SPATA6: variants seen among roughly 807,000 people sequenced by gnomAD.
The protein encoded by SPATA6 is spermatogenesis associated 6.
In SPATA6, 56 loss-of-function variants were observed where a neutral mutation model predicts 65.3. The ratio of observed to expected loss-of-function variants is 0.86; its 90% confidence interval spans 0.69 to 1.07. The LOEUF (loss-of-function observed/expected upper bound fraction) is 1.07, where lower values mean the gene tolerates loss of function less well. SPATA6 is among the 50% of genes least tolerant of loss of function. The pLI is 0.00. For missense variants in SPATA6, 590 were observed against 594.8 expected (o/e 0.99, Z 0.08); for synonymous variants, 199 against 213.2 (o/e 0.93, Z 0.58).
chr1:48,445,301 T>C (rs1425096756), intron 3 of SPATA6, among the ~76,000 whole-genome samples: 1 of 152,170 alleles, frequency 6.6e-6, no homozygotes, highest in Non-Finnish European at 1.5e-5. Flanking sequence ...TAGGAACATC[T>C]ATGAGGTGCT....
intron 11 of SPATA6, among the ~76,000 whole-genome samples, chr1:48,335,158 C>T (rs1646025401): frequency 6.6e-6 from 1 of 151,934 alleles, no homozygotes; most frequent in Admixed American, 6.6e-5. Flanking sequence ...GAAGAAAATT[C>T]CATGCTCATG....
At chr1:48,366,711 G>T (rs1305987672) in intron 9 of SPATA6, among the ~76,000 whole-genome samples, 1 of 151,820 alleles carries the variant, frequency 6.6e-6, no homozygotes, top group Non-Finnish European at 1.5e-5. Flanking sequence ...TGTTGCTAGC[G>T]GTCTATCAAT....
chr1:48,416,610 C>A (rs1269058585), intron 3 of SPATA6, among the ~76,000 whole-genome samples: 2 of 152,036 alleles, frequency 1.3e-5, no homozygotes, highest in Non-Finnish European at 2.9e-5. Flanking sequence ...TTTCAAAATG[C>A]CAGTGATGTG....
At chr1:48,389,406 C>CT (rs1300297558) in intron 8 of SPATA6, among the ~76,000 whole-genome samples, 1 of 152,118 alleles carries the variant, frequency 6.6e-6, no homozygotes, top group Non-Finnish European at 1.5e-5. Flanking sequence ...TATCAAGAGA[C>CT]TAGACATTCA....
intron 3 of SPATA6, among the ~76,000 whole-genome samples, chr1:48,434,704 G>T (rs1654732791): frequency 6.6e-6 from 1 of 152,164 alleles, no homozygotes; most frequent in Admixed American, 6.5e-5. Flanking sequence ...GGGGGTGTGT[G>T]TGTGTGTGTG....
intron 1 of SPATA6, among the ~76,000 whole-genome samples, chr1:48,470,978 G>A (rs1288261987): frequency 6.6e-6 from 1 of 152,152 alleles, no homozygotes; most frequent in Non-Finnish European, 1.5e-5. Flanking sequence ...ACTAAAACGG[G>A]GTGTGGAAAG....
At chr1:48,333,622 G>C (rs1329298390) in intron 11 of SPATA6, among the ~76,000 whole-genome samples, 1 of 152,170 alleles carries the variant, frequency 6.6e-6, no homozygotes, top group East Asian at 1.9e-4. Context: ...TAGCATATCA[G>C]AATCTCTGGG....
At chr1:48,428,234 C>T (rs185582914) in intron 3 of SPATA6, among the ~76,000 whole-genome samples, 14 of 152,290 alleles carry the variant, frequency 9.2e-5, no homozygotes, top group Admixed American at 2.6e-4. Flanking sequence ...CCAGGCAGAT[C>T]ACCTGAAGTC....
At chr1:48,338,075 T>A (rs1235583076) in intron 11 of SPATA6, among the ~76,000 whole-genome samples, 1 of 151,966 alleles carries the variant, frequency 6.6e-6, no homozygotes, top group Non-Finnish European at 1.5e-5. Flanking sequence ...ACTACAAACC[T>A]ATAGTAAATT....
chr1:48,345,068 C>G (rs919315495), intron 11 of SPATA6, among the ~76,000 whole-genome samples: 6 of 152,280 alleles, frequency 3.9e-5, no homozygotes, highest in African/African-American at 1.4e-4. Context: ...ACAGAATATA[C>G]ATTCTTCTCA....
intron 1 of SPATA6, among the ~76,000 whole-genome samples, chr1:48,460,741 G>T (rs1041948849): frequency 3.4e-5 from 2 of 59,416 alleles, no homozygotes; most frequent in Non-Finnish European, 1.2e-4. Context: ...ATATATACCG[G>T]TAAGAATGAA....
chr1:48,421,295 CAT>C (rs3029729), intron 3 of SPATA6, among the ~76,000 whole-genome samples: 13,774 of 151,730 alleles, frequency 0.091, 797 homozygotes, highest in South Asian at 0.15. Context: ...ATTAAAATTT[CAT>C]ATGATGCCCT....
intron 3 of SPATA6, among the ~76,000 whole-genome samples, chr1:48,449,875 T>C (rs2148146230): frequency 6.6e-6 from 1 of 152,326 alleles, no homozygotes; most frequent in East Asian, 1.9e-4. Flanking sequence ...TAGAATTTGC[T>C]TTTAAATATT....
At chr1:48,415,781 A>G (rs1186005331) in intron 3 of SPATA6, among the ~76,000 whole-genome samples, 1 of 152,154 alleles carries the variant, frequency 6.6e-6, no homozygotes, top group Non-Finnish European at 1.5e-5. Flanking sequence ...AATGAAAACA[A>G]ATTTCCTTAA....
At chr1:48,349,397 C>T (rs1311775080) in intron 11 of SPATA6, among the ~76,000 whole-genome samples, 1 of 151,908 alleles carries the variant, frequency 6.6e-6, no homozygotes, top group Non-Finnish European at 1.5e-5. Flanking sequence ...ACATCATATT[C>T]CAAAGTTATT....
At chr1:48,369,762 G>A (rs114080121) in intron 9 of SPATA6, among the ~76,000 whole-genome samples, 1,817 of 152,288 alleles carry the variant, frequency 0.012, 14 homozygotes, top group Non-Finnish European at 0.018. Flanking sequence ...GCTTTGGCTT[G>A]CGCATGGTGC....
intron 8 of SPATA6, among the ~76,000 whole-genome samples, chr1:48,390,847 G>A (rs1462378912): frequency 6.6e-6 from 1 of 152,050 alleles, no homozygotes; most frequent in Non-Finnish European, 1.5e-5. Flanking sequence ...TCTGTATTCA[G>A]CATTTTTTAT....
intron 12 of SPATA6, 137 bp from the exon 13 acceptor site, chr1:48,299,030 G>GC: frequency 1.3e-6 from 1 of 788,300 alleles, no homozygotes; most frequent in East Asian, 2.9e-5. Context: ...AACAGAGTAA[G>GC]GCCTGTGCTT....
At chr1:48,467,325 G>T (rs866569849) in intron 1 of SPATA6, among the ~76,000 whole-genome samples, 1 of 152,056 alleles carries the variant, frequency 6.6e-6, no homozygotes, top group Non-Finnish European at 1.5e-5. Flanking sequence ...GGGTAGAGAA[G>T]AATGAGATTG....
Sources: allele counts gnomAD v4.1 joint callset (sites outside exome capture counted in the v4.1 genomes callset), GRCh38; gene constraint gnomAD v4.1.1; transcripts MANE v1.5; gene names NCBI Gene and HGNC (gene_info 2026-07-23, HGNC 2026-07-21).